CHSY3: variants seen among roughly 807,000 people sequenced by gnomAD.
The protein encoded by CHSY3 is chondroitin sulfate synthase 3.
In CHSY3, 35 loss-of-function variants were observed where a neutral mutation model predicts 67.2. The observed-to-expected ratio is 0.52, with a 90% CI of 0.40 to 0.69. CHSY3 has a LOEUF of 0.69. CHSY3 is among the 30% of genes least tolerant of loss of function. The pLI, the probability that CHSY3 is intolerant of heterozygous loss-of-function variation, is 0.00. For synonymous variants in CHSY3, 474 were observed against 434.7 expected, an observed-to-expected ratio of 1.09 and a Z score of -1.12; for missense variants, 1,069 against 1,138.5, an observed-to-expected ratio of 0.94 and a Z score of 0.88.
At position 129,904,641 on chromosome 5, in the gene CHSY3, G is replaced by T; in HGVS notation, c.-189G>T. 1.1e-6 allele frequency: 1 copy of T among 921,488 alleles called. No homozygotes were observed. The highest frequency in any genetic ancestry group is 1.4e-6 in the Non-Finnish European group (1 of 715,008). The allele number at this position is 921,488 out of a possible 1,614,324, so 57.1% of individuals were successfully genotyped here. A position where few individuals can be genotyped will look rare whatever the true frequency, so the allele number is the denominator to read the frequency against. ...CGGCCCAGAGCTGAGCGGGAGCCCG[G>T]CAGGCAGCTGCAGCCCGCGGCAGTC... is the stretch of plus-strand genomic sequence containing the variant. On this transcript the variant is annotated 5_prime_UTR_variant, in exon 1 of 3. Transcript: ENST00000305031.
At chr5:129,920,504 A>G (rs929374679) in intron 2 of CHSY3, among the ~76,000 whole-genome samples, 2 of 152,180 alleles carry the variant, frequency 1.3e-5, no homozygotes, top group African/African-American at 4.8e-5. Context: ...TTGGCCTCTC[A>G]AAGTGCTGGG....
intron 2 of CHSY3, among the ~76,000 whole-genome samples, chr5:130,074,689 A>G (rs1049576321): frequency 2.0e-5 from 3 of 152,186 alleles, no homozygotes; most frequent in Admixed American, 2.0e-4. Context: ...GAGAAGAAAT[A>G]ATTTATTAAA....
At chr5:130,118,253 A>G (rs1269265646) in intron 2 of CHSY3, among the ~76,000 whole-genome samples, 1 of 152,218 alleles carries the variant, frequency 6.6e-6, no homozygotes, top group Non-Finnish European at 1.5e-5. Flanking sequence ...ATGGACTAAG[A>G]GAATTAGTAA....
chr5:129,982,085 C>G (rs12187740), intron 2 of CHSY3, among the ~76,000 whole-genome samples: 87,551 of 151,848 alleles, frequency 0.58, 25,342 homozygotes, highest in Middle Eastern at 0.61. Flanking sequence ...ATACATTGTT[C>G]ACTTTGATTT....
At chr5:130,091,427 C>G (rs1157786875) in intron 2 of CHSY3, among the ~76,000 whole-genome samples, 1 of 151,996 alleles carries the variant, frequency 6.6e-6, no homozygotes, top group East Asian at 1.9e-4. Flanking sequence ...AACTAACCAA[C>G]AAAAAAGTGA....
At chr5:130,112,304 G>A (rs1008930267) in intron 2 of CHSY3, among the ~76,000 whole-genome samples, 3 of 152,196 alleles carry the variant, frequency 2.0e-5, no homozygotes, top group Middle Eastern at 6.8e-3. Context: ...AGTTATTTTT[G>A]TAGTGACTTC....
At chr5:130,175,219 AT>A in intron 2 of CHSY3, among the ~76,000 whole-genome samples, 1 of 140,864 alleles carries the variant, frequency 7.1e-6, no homozygotes, top group Admixed American at 7.4e-5. Flanking sequence ...ATAATAGACA[AT>A]CAGAGAGCCA....
chr5:129,942,750 G>A (rs994233941), intron 2 of CHSY3, among the ~76,000 whole-genome samples: 7 of 152,154 alleles, frequency 4.6e-5, no homozygotes, highest in African/African-American at 1.2e-4. Context: ...GAGAGTGTAC[G>A]CTTTGGTTTG....
At position 130,075,556 on chromosome 5, in the gene CHSY3, A is replaced by G. The variant is rs561614823; in HGVS notation, c.1087-108673A>G. ...GTGGCTGTTACACACATAAGACATT[A>G]TGTAGGCACTATGAAAATATAAAGA... On this transcript the variant is annotated intron_variant, in intron 2 of 2. Transcript: ENST00000305031. Among the ~76,000 whole-genome samples the G allele has an allele frequency of 3.3e-5, 5 of 152,312 alleles. No homozygotes were observed. In the South Asian group the frequency reaches 6.2e-4, roughly 19 times the overall value.
At chr5:129,906,505 C>T (rs1040844518) in intron 1 of CHSY3, among the ~76,000 whole-genome samples, 2 of 152,230 alleles carry the variant, frequency 1.3e-5, no homozygotes, top group Admixed American at 1.3e-4. Context: ...CCCAGAACCA[C>T]AGGCAGCCAC....
At chr5:129,915,457 T>C (rs1300516049) in intron 2 of CHSY3, among the ~76,000 whole-genome samples, 1 of 152,180 alleles carries the variant, frequency 6.6e-6, no homozygotes, top group African/African-American at 2.4e-5. Context: ...CTAAATTAAC[T>C]GAATCAAAAT....
At chr5:130,156,712 T>C (rs1014769559) in intron 2 of CHSY3, among the ~76,000 whole-genome samples, 2 of 152,060 alleles carry the variant, frequency 1.3e-5, no homozygotes, top group Non-Finnish European at 2.9e-5. Flanking sequence ...ATTACTGGGG[T>C]TTAATTGATT....
intron 2 of CHSY3, among the ~76,000 whole-genome samples, chr5:129,931,195 A>G (rs1171401378): frequency 1.3e-5 from 2 of 152,110 alleles, no homozygotes; most frequent in Non-Finnish European, 2.9e-5. Context: ...CTTATTTGTT[A>G]GTGTTGTCCT....
chr5:130,116,723 A>AGTG (rs1767817031), intron 2 of CHSY3, among the ~76,000 whole-genome samples: 1 of 152,218 alleles, frequency 6.6e-6, no homozygotes, highest in Non-Finnish European at 1.5e-5. Flanking sequence ...ACTCACAGAA[A>AGTG]TGCGGACCTG....
At chr5:130,104,758 C>T (rs1296901966) in intron 2 of CHSY3, among the ~76,000 whole-genome samples, 1 of 151,802 alleles carries the variant, frequency 6.6e-6, no homozygotes, top group Non-Finnish European at 1.5e-5. Context: ...AGTATAAGTG[C>T]ATGACTGTAA....
At chr5:130,036,786 T>C (rs1254715480) in intron 2 of CHSY3, among the ~76,000 whole-genome samples, 4 of 152,156 alleles carry the variant, frequency 2.6e-5, no homozygotes, top group African/African-American at 7.2e-5. Context: ...CAGCTCTGTG[T>C]GTGTGGCTGT....
intron 2 of CHSY3, among the ~76,000 whole-genome samples, chr5:130,027,579 A>G (rs1197804829): frequency 6.6e-6 from 1 of 151,938 alleles, no homozygotes; most frequent in Admixed American, 6.6e-5. Flanking sequence ...CCATTAACTC[A>G]TCATTTACAT....
chr5:130,043,956 C>A (rs781260428), intron 2 of CHSY3, among the ~76,000 whole-genome samples: 11 of 152,012 alleles, frequency 7.2e-5, no homozygotes, highest in Non-Finnish European at 1.3e-4. Flanking sequence ...ATAGATTTGG[C>A]CATGCTGAGG....
chr5:130,138,771 T>C (rs1442196984), intron 2 of CHSY3, among the ~76,000 whole-genome samples: 1 of 152,158 alleles, frequency 6.6e-6, no homozygotes, highest in Non-Finnish European at 1.5e-5. Context: ...GAGATAAGGA[T>C]ATATTAACTG....
Sources: gnomAD v4.1 joint callset for allele counts (sites outside exome capture counted in the v4.1 genomes callset) on GRCh38, gnomAD v4.1.1 for gene constraint, MANE v1.5 for transcripts, NCBI Gene and HGNC (gene_info 2026-07-23, HGNC 2026-07-21) for gene names.